The following SYNDIG1 variants were observed in gnomAD, a reference collection of about 807,000 sequenced individuals.
The protein encoded by SYNDIG1 is synapse differentiation-inducing gene protein 1.
In SYNDIG1, 9 loss-of-function variants were observed where a neutral mutation model predicts 19.4. The observed-to-expected ratio is 0.46, with a 90% CI of 0.28 to 0.81. The LOEUF is 0.81. Ranked by LOEUF, SYNDIG1 falls within the 30% of genes least tolerant of loss-of-function variation. The pLI is 0.12. For synonymous variants in SYNDIG1, 141 were observed against 145.9 expected, an observed-to-expected ratio of 0.97 and a Z score of 0.24; for missense variants, 311 against 343.3, an observed-to-expected ratio of 0.91 and a Z score of 0.74.
intron 1 of SYNDIG1, among the ~76,000 whole-genome samples, chr20:24,534,927 C>A (rs571196954): frequency 1.3e-5 from 2 of 152,192 alleles, no homozygotes; most frequent in Admixed American, 1.3e-4. Context: ...TTAGGACTTG[C>A]GGCCACCTCT....
intron 3 of SYNDIG1, among the ~76,000 whole-genome samples, chr20:24,597,569 C>G (rs528525369): frequency 6.6e-6 from 1 of 152,254 alleles, no homozygotes; most frequent in East Asian, 1.9e-4. Flanking sequence ...CCTAACATGA[C>G]AGCTGTGTGA....
intron 3 of SYNDIG1, among the ~76,000 whole-genome samples, chr20:24,605,201 C>T (rs6114799): frequency 3.3e-5 from 5 of 152,246 alleles, no homozygotes; most frequent in South Asian, 2.1e-4. Flanking sequence ...AAGGGTTTGC[C>T]GTGGGCCCAC....
chr20:24,648,856 C>T (rs2059443997), intron 3 of SYNDIG1, among the ~76,000 whole-genome samples: 1 of 152,208 alleles, frequency 6.6e-6, no homozygotes, highest in South Asian at 2.1e-4. Flanking sequence ...GACACTATTG[C>T]TATATTCATG....
chr20:24,639,729 C>T (rs1427883382), intron 3 of SYNDIG1, among the ~76,000 whole-genome samples: 2 of 152,206 alleles, frequency 1.3e-5, no homozygotes, highest in Non-Finnish European at 2.9e-5. Context: ...AGCAATTACA[C>T]TCAAGAGTTT....
chr20:24,634,687 CCATTTTGTA>C (rs1461146346), intron 3 of SYNDIG1, among the ~76,000 whole-genome samples: 3 of 151,990 alleles, frequency 2.0e-5, no homozygotes, highest in Non-Finnish European at 4.4e-5. Flanking sequence ...TCTACATTTA[CCATTTTGTA>C]TTGGGTGTTC....
rs1358090271 is a variant in SYNDIG1, at chr20:24,590,433, A to G, written c.618+5440A>G. On this transcript the variant is annotated intron_variant, in intron 3 of 3. Transcript: ENST00000376862. ...GAAGCCTCGGGGGTTTGAGCGGAGG[A>G]GAAGCCCCTGTGGCCACATGCTCCC... Among the ~76,000 whole-genome samples, 6 of 152,032 alleles carry G rather than the reference A, an allele frequency of 3.9e-5. No homozygotes were observed. The East Asian group carries it at 1.2e-3, about 29-fold the overall frequency.
intron 1 of SYNDIG1, among the ~76,000 whole-genome samples, chr20:24,514,473 T>A (rs970177609): frequency 6.6e-6 from 1 of 152,102 alleles, no homozygotes; most frequent in Non-Finnish European, 1.5e-5. Context: ...GGGGTTGCAA[T>A]CCTAGTCTCT....
intron 1 of SYNDIG1, among the ~76,000 whole-genome samples, chr20:24,482,979 A>G (rs2055840387): frequency 6.6e-6 from 1 of 152,244 alleles, no homozygotes; most frequent in Admixed American, 6.5e-5. Context: ...TTTTCTATGC[A>G]TTGGTATGAT....
chr20:24,529,618 C>T (rs1238896059), intron 1 of SYNDIG1, among the ~76,000 whole-genome samples: 2 of 152,190 alleles, frequency 1.3e-5, no homozygotes, highest in Non-Finnish European at 2.9e-5. Flanking sequence ...CTATTTTCTT[C>T]AACTACTTAA....
At chr20:24,655,286 GAAGAA>G (rs1179606522) in intron 3 of SYNDIG1, among the ~76,000 whole-genome samples, 1 of 152,180 alleles carries the variant, frequency 6.6e-6, no homozygotes, top group African/African-American at 2.4e-5. Flanking sequence ...ACTGAAGCCA[GAAGAA>G]AAGAGGCATA....
At chr20:24,531,681 G>A (rs1196573650) in intron 1 of SYNDIG1, among the ~76,000 whole-genome samples, 2 of 151,900 alleles carry the variant, frequency 1.3e-5, no homozygotes, top group Non-Finnish European at 1.5e-5. Context: ...TTCATGGATA[G>A]GACCATGTAT....
chr20:24,485,578 A>T (rs1449565792), intron 1 of SYNDIG1, among the ~76,000 whole-genome samples: 1 of 152,228 alleles, frequency 6.6e-6, no homozygotes. Flanking sequence ...TAATTTGGAT[A>T]CAGCTTTTTA....
intron 3 of SYNDIG1, among the ~76,000 whole-genome samples, chr20:24,635,423 A>G (rs2059305552): frequency 6.6e-6 from 1 of 152,026 alleles, no homozygotes; most frequent in Non-Finnish European, 1.5e-5. Context: ...ATCTTGCATA[A>G]TTTCCCGCCC....
At chr20:24,583,573 G>T (rs899727803) in intron 2 of SYNDIG1, among the ~76,000 whole-genome samples, 3 of 152,224 alleles carry the variant, frequency 2.0e-5, no homozygotes, top group Admixed American at 6.5e-5. Context: ...GGAAGAGTTG[G>T]TGTGAGGGCT....
chr20:24,533,279 G>T (rs1047505826), intron 1 of SYNDIG1, among the ~76,000 whole-genome samples: 1 of 152,088 alleles, frequency 6.6e-6, no homozygotes, highest in Non-Finnish European at 1.5e-5. Flanking sequence ...CTCCTTGCAG[G>T]CTGGGAGGCC....
intron 3 of SYNDIG1, among the ~76,000 whole-genome samples, chr20:24,663,867 G>A (rs367784279): frequency 1.7e-4 from 26 of 152,256 alleles, no homozygotes; most frequent in African/African-American, 4.8e-4. Flanking sequence ...TTCAGTTAGC[G>A]CTAAGGAAAG....
intron 3 of SYNDIG1, among the ~76,000 whole-genome samples, chr20:24,627,336 C>T (rs1226293453): frequency 6.6e-6 from 1 of 152,112 alleles, no homozygotes; most frequent in African/African-American, 2.4e-5. Flanking sequence ...TGCTCTACTT[C>T]AATGAAAACA....
At chr20:24,523,166 A>G (rs1240174482) in intron 1 of SYNDIG1, among the ~76,000 whole-genome samples, 2 of 152,200 alleles carry the variant, frequency 1.3e-5, no homozygotes, top group East Asian at 3.8e-4. Context: ...TGGCTGTGAA[A>G]TCCAGCTCTG....
intron 3 of SYNDIG1, among the ~76,000 whole-genome samples, chr20:24,594,191 C>T (rs1035203813): frequency 6.6e-6 from 1 of 152,140 alleles, no homozygotes; most frequent in Admixed American, 6.5e-5. Context: ...TTTAATCCAT[C>T]TTGAATTCAT....
Sources: gnomAD v4.1 joint callset for allele counts (sites outside exome capture counted in the v4.1 genomes callset) on GRCh38, gnomAD v4.1.1 for gene constraint, MANE v1.5 for transcripts, NCBI Gene and HGNC (gene_info 2026-07-23, HGNC 2026-07-21) for gene names.